The following ZBTB20 variants were observed in gnomAD, a reference collection of about 807,000 sequenced individuals.
The protein encoded by ZBTB20 is zinc finger and BTB domain containing 20, also known as zinc finger and BTB domain-containing protein 20.
A neutral mutation model predicts 56.9 loss-of-function variants in ZBTB20; 9 were observed. The ratio of observed to expected loss-of-function variants is 0.16; its 90% CI spans 0.10 to 0.28. The LOEUF (loss-of-function observed/expected upper bound fraction) is 0.28, where lower values mean the gene tolerates loss of function less well. ZBTB20 is among the 10% of genes least tolerant of loss of function. The probability of loss-of-function intolerance (pLI) is 1.00; values close to 1 mark genes in which losing one functional copy is unlikely to be tolerated. For missense variants in ZBTB20, 655 were observed against 1,003.0 expected, an observed-to-expected ratio of 0.65 and a Z score of 4.69; for synonymous variants, 417 against 420.7, an observed-to-expected ratio of 0.99 and a Z score of 0.11.
At chr3:114,745,714 A>G (rs913023854) in intron 5 of ZBTB20, among the ~76,000 whole-genome samples, 1 of 152,242 alleles carries the variant, frequency 6.6e-6, no homozygotes, top group Non-Finnish European at 1.5e-5. Context: ...GAGCAAATGC[A>G]TATTCACAAA....
In ZBTB20 at chr3:114,327,773, A is replaced by G. The variant is rs1287503211; in HGVS notation, c.*11232T>C. 1.3e-5 allele frequency: 2 copies of G among 152,228 alleles called. No individual in the cohort carries two copies. Among genetic ancestry groups the G allele is most frequent in the East Asian group, 1.9e-4 (1 of 5,204 alleles). 9.4% of individuals were successfully genotyped at this position (152,228 alleles called of 1,614,324 possible). ...AGCAAGAACTGAAAGCATACCGCCT[A>G]TGCACTCAAAACCACATAGTACTCT... On this transcript the variant is annotated 3_prime_UTR_variant, in exon 12 of 12. Coordinates refer to ENST00000675478, the MANE Select transcript of ZBTB20 (RefSeq NM_001348800.3).
At chr3:114,836,606 A>T (rs1480583934) in intron 4 of ZBTB20, among the ~76,000 whole-genome samples, 1 of 152,160 alleles carries the variant, frequency 6.6e-6, no homozygotes, top group Non-Finnish European at 1.5e-5. Flanking sequence ...CTGACAGTTG[A>T]TCAGGCCAAA....
intron 1 of ZBTB20, among the ~76,000 whole-genome samples, chr3:115,136,848 C>A (rs754953074): frequency 6.6e-6 from 1 of 151,966 alleles, no homozygotes; most frequent in Non-Finnish European, 1.5e-5. Flanking sequence ...CTTTCTAAAA[C>A]AAGAAAGATT....
chr3:114,753,905 T>C (rs537747145), intron 5 of ZBTB20, among the ~76,000 whole-genome samples: 4 of 152,204 alleles, frequency 2.6e-5, no homozygotes, highest in Non-Finnish European at 5.9e-5. Context: ...AAGGTATAGA[T>C]GTTTCCACTG....
intron 6 of ZBTB20, among the ~76,000 whole-genome samples, chr3:114,506,512 G>T (rs1190734395): frequency 6.6e-6 from 1 of 152,042 alleles, no homozygotes; most frequent in Non-Finnish European, 1.5e-5. Context: ...CATTTAGGAT[G>T]GTTTTTTATT....
chr3:115,001,852 C>T (rs1405171008), intron 2 of ZBTB20, among the ~76,000 whole-genome samples: 1 of 151,278 alleles, frequency 6.6e-6, no homozygotes, highest in Admixed American at 6.6e-5. Flanking sequence ...AACATAATCC[C>T]AATCAAAATC....
intron 6 of ZBTB20, among the ~76,000 whole-genome samples, chr3:114,622,264 C>T (rs916053179): frequency 1.3e-5 from 2 of 151,944 alleles, no homozygotes; most frequent in African/African-American, 4.8e-5. Context: ...GAGCTAGTTA[C>T]ATTTTTTATA....
intron 4 of ZBTB20, among the ~76,000 whole-genome samples, chr3:114,801,615 A>G (rs943182604): frequency 6.6e-6 from 1 of 151,916 alleles, no homozygotes; most frequent in Admixed American, 6.6e-5. Context: ...AAGGGAAATT[A>G]TGACTTCAAA....
chr3:114,901,328 GCA>G (rs1322033343), intron 3 of ZBTB20, among the ~76,000 whole-genome samples: 3 of 152,050 alleles, frequency 2.0e-5, no homozygotes. Context: ...GTTCTTCTGA[GCA>G]CAGTCGATTA....
intron 2 of ZBTB20, among the ~76,000 whole-genome samples, chr3:115,057,668 C>T (rs568752054): frequency 2.6e-5 from 4 of 152,242 alleles, no homozygotes; most frequent in Admixed American, 2.6e-4. Context: ...AAATTTCCAT[C>T]TTATTTGGTA....
chr3:114,425,921 C>T (rs1204972383), intron 7 of ZBTB20, among the ~76,000 whole-genome samples: 1 of 152,176 alleles, frequency 6.6e-6, no homozygotes, highest in Non-Finnish European at 1.5e-5. Context: ...TAATATATTG[C>T]TTCTCATATA....
chr3:114,618,274 C>T (rs996972523), intron 6 of ZBTB20, among the ~76,000 whole-genome samples: 29 of 126,022 alleles, frequency 2.3e-4, no homozygotes, highest in African/African-American at 8.7e-4. Context: ...TTTTGAGACA[C>T]AGTCTTGCTC....
At chr3:115,022,352 G>A (rs2080240109) in intron 2 of ZBTB20, among the ~76,000 whole-genome samples, 1 of 150,950 alleles carries the variant, frequency 6.6e-6, no homozygotes, top group Non-Finnish European at 1.5e-5. Flanking sequence ...TCTTTGCAAA[G>A]TAGTTGCCTT....
intron 5 of ZBTB20, among the ~76,000 whole-genome samples, chr3:114,796,921 T>G (rs1279350923): frequency 6.6e-6 from 1 of 151,826 alleles, no homozygotes; most frequent in African/African-American, 2.4e-5. Flanking sequence ...ATAATTGAAG[T>G]CATGTAACTC....
At chr3:114,729,735 C>T (rs965179905) in intron 5 of ZBTB20, among the ~76,000 whole-genome samples, 1 of 152,022 alleles carries the variant, frequency 6.6e-6, no homozygotes, top group African/African-American at 2.4e-5. Flanking sequence ...TTAACAACTA[C>T]CTTGCTATCG....
intron 5 of ZBTB20, among the ~76,000 whole-genome samples, chr3:114,786,335 T>C (rs1169142024): frequency 1.3e-5 from 2 of 151,950 alleles, no homozygotes; most frequent in African/African-American, 4.8e-5. Flanking sequence ...ATGTTCCCCT[T>C]CCTGTGTCCA....
rs999890657 is a variant in ZBTB20 at position 114,328,669 on chromosome 3, T to C, written c.*10336A>G. The C allele has an allele frequency of 2.0e-5, 3 of 152,208 alleles. No homozygotes were observed. The highest frequency in any genetic ancestry group is 2.9e-5 in the Non-Finnish European group (2 of 68,040). 9.4% of individuals were successfully genotyped at this position (152,208 alleles called of 1,614,324 possible). On this transcript the variant is annotated 3_prime_UTR_variant, in exon 12 of 12. Transcript: ENST00000675478. Reference sequence around the variant, plus strand: ...AAACTCTGAAGCTAAAATGAAGACATGCTTCACTCTGCCTACGAGTCTCAA... The same window carrying C: ...AAACTCTGAAGCTAAAATGAAGACACGCTTCACTCTGCCTACGAGTCTCAA...
chr3:114,504,721 T>C (rs1420527163), intron 6 of ZBTB20, among the ~76,000 whole-genome samples: 1 of 152,186 alleles, frequency 6.6e-6, no homozygotes, highest in African/African-American at 2.4e-5. Flanking sequence ...ACCCTTAGTA[T>C]TGGATCACTC....
chr3:114,670,526 T>C (rs1406142712), intron 6 of ZBTB20, among the ~76,000 whole-genome samples: 1 of 152,086 alleles, frequency 6.6e-6, no homozygotes, highest in Non-Finnish European at 1.5e-5. Context: ...AAGGTAGAGA[T>C]AGTTTTAGGT....
Sources: allele counts gnomAD v4.1 joint callset (sites outside exome capture counted in the v4.1 genomes callset), GRCh38; gene constraint gnomAD v4.1.1; transcripts MANE v1.5; gene names NCBI Gene and HGNC (gene_info 2026-07-23, HGNC 2026-07-21).